Variants in ACVR2A observed in about 807,000 individuals in gnomAD.
ACVR2A encodes the protein activin receptor type-2A.
In ACVR2A, 7 loss-of-function variants were observed where a neutral mutation model predicts 61.4. The ratio of observed to expected loss-of-function variants is 0.11; its 90% CI spans 0.06 to 0.21. The LOEUF (loss-of-function observed/expected upper bound fraction) is 0.21. Ranked by LOEUF, ACVR2A falls within the 10% of genes least tolerant of loss-of-function variation. The probability of loss-of-function intolerance (pLI) is 1.00; values close to 1 mark genes in which losing one functional copy is unlikely to be tolerated. For missense variants in ACVR2A, 322 were observed against 621.7 expected, an observed-to-expected ratio of 0.52 and a Z score of 5.13; for synonymous variants, 193 against 208.3, an observed-to-expected ratio of 0.93 and a Z score of 0.63.
intron 1 of ACVR2A, among the ~76,000 whole-genome samples, chr2:147,845,551 C>G (rs1317952265): frequency 6.6e-6 from 1 of 152,114 alleles, no homozygotes; most frequent in Non-Finnish European, 1.5e-5. Flanking sequence ...ACAATTTATG[C>G]AAAGGTTGAG....
chr2:147,863,413 G>A (rs1409796497), intron 1 of ACVR2A, among the ~76,000 whole-genome samples: 1 of 152,192 alleles, frequency 6.6e-6, no homozygotes, highest in African/African-American at 2.4e-5. Flanking sequence ...TTGACACCCT[G>A]TGAGGTTGAA....
chr2:147,923,343 CTTAAGG>C (rs1687431028), intron 9 of ACVR2A, among the ~76,000 whole-genome samples: 1 of 151,818 alleles, frequency 6.6e-6, no homozygotes, highest in South Asian at 2.1e-4. Context: ...CTTCACATAC[CTTAAGG>C]TTATTTCCTA....
chr2:147,849,035 G>A lies in ACVR2A; in HGVS notation c.55+3828G>A, dbSNP rs940231816. On this transcript the variant is annotated intron_variant, in intron 1 of 10. Coordinates refer to ENST00000241416, the MANE Select transcript of ACVR2A (RefSeq NM_001616.5). ...AATTAGAGAAACAGACTATAGATAC[G>A]CACATTCTTTCATCCTTGATGAAAT... Among the ~76,000 whole-genome samples the A allele has an allele frequency of 1.1e-4, 16 of 151,980 alleles. No homozygotes were observed. The East Asian group carries it at 1.5e-3, about 15-fold the overall frequency.
intron 1 of ACVR2A, among the ~76,000 whole-genome samples, chr2:147,873,355 A>G (rs1423051170): frequency 1.3e-5 from 2 of 152,000 alleles, no homozygotes; most frequent in African/African-American, 4.8e-5. Context: ...TATTCAGAAT[A>G]TCATTTCAAT....
intron 1 of ACVR2A, among the ~76,000 whole-genome samples, chr2:147,884,113 G>T (rs1288870396): frequency 6.6e-6 from 1 of 152,126 alleles, no homozygotes; most frequent in African/African-American, 2.4e-5. Context: ...CTGATTTTGA[G>T]AATTTACCTT....
intron 9 of ACVR2A, 32 bp from the exon 10 acceptor site, chr2:147,925,993 TAATGAA>T: frequency 6.3e-7 from 1 of 1,588,654 alleles, no homozygotes; most frequent in Non-Finnish European, 8.6e-7. Context: ...AGGAGGATTT[TAATGAA>T]AATGATTTAT....
At chr2:147,894,411 G>A (rs1345277150) in intron 1 of ACVR2A, among the ~76,000 whole-genome samples, 1 of 152,108 alleles carries the variant, frequency 6.6e-6, no homozygotes, top group Non-Finnish European at 1.5e-5. Flanking sequence ...TGGGGAAGCT[G>A]AAACCATTGA....
chr2:147,866,524 A>G (rs745964223), intron 1 of ACVR2A, among the ~76,000 whole-genome samples: 1 of 152,214 alleles, frequency 6.6e-6, no homozygotes, highest in Non-Finnish European at 1.5e-5. Context: ...TTATACAGGC[A>G]CATGAATAAT....
intron 1 of ACVR2A, among the ~76,000 whole-genome samples, chr2:147,859,053 G>T (rs988104113): frequency 6.6e-6 from 1 of 152,036 alleles, no homozygotes; most frequent in Non-Finnish European, 1.5e-5. Flanking sequence ...TTGTTCGGGA[G>T]CATTTTCTTA....
Position 147,845,082 on chromosome 2 carries a change from T to A in ACVR2A, c.-71T>A. ...GGTTGATTTTACACCAGGAGGTTTGTCTCCGAGGAAGACCCAGGGAACTGG... is the reference window on the plus strand; with the variant it reads ...GGTTGATTTTACACCAGGAGGTTTGACTCCGAGGAAGACCCAGGGAACTGG... On this transcript the variant is annotated 5_prime_UTR_variant, in exon 1 of 11. Coordinates refer to ENST00000241416, the MANE Select transcript of ACVR2A (RefSeq NM_001616.5). 7.8e-7 allele frequency: 1 copy of A among 1,283,986 alleles called. No homozygotes were observed. 79.5% of individuals were successfully genotyped at this position (1,283,986 alleles called of 1,614,324 possible). A position where few individuals can be genotyped will look rare whatever the true frequency, so the allele number is the denominator to read the frequency against.
At chr2:147,924,374 G>T (rs1164840981) in intron 9 of ACVR2A, among the ~76,000 whole-genome samples, 3 of 151,964 alleles carry the variant, frequency 2.0e-5, no homozygotes, top group Admixed American at 2.0e-4. Flanking sequence ...ATTAACTCTA[G>T]AGTAAGTTAA....
At chr2:147,885,132 C>A (rs1686396932) in intron 1 of ACVR2A, among the ~76,000 whole-genome samples, 1 of 152,018 alleles carries the variant, frequency 6.6e-6, no homozygotes, top group Admixed American at 6.5e-5. Flanking sequence ...TGATTTAGTG[C>A]AAATGTAACT....
intron 1 of ACVR2A, among the ~76,000 whole-genome samples, chr2:147,883,293 C>G (rs1440804837): frequency 6.6e-6 from 1 of 152,180 alleles, no homozygotes; most frequent in Non-Finnish European, 1.5e-5. Flanking sequence ...CAGGTTCAAG[C>G]AATTCTTCTA....
rs1023415899 is a variant in ACVR2A, at chr2:147,927,551, A to G, written c.*277A>G. The stretch of plus-strand genomic sequence containing the variant: ...GAAGAATGTAGCCCTCTCCAAATCA[A>G]GGATCTTTTGGACCTGGCTAATGGA... On this transcript the variant is annotated 3_prime_UTR_variant, in exon 11 of 11. Coordinates refer to ENST00000241416, the MANE Select transcript of ACVR2A (RefSeq NM_001616.5). 2 of 251,792 alleles carry G rather than the reference A, an allele frequency of 7.9e-6. No individual in the cohort carries two copies. Among genetic ancestry groups the G allele is most frequent in the South Asian group, 1.5e-4 (1 of 6,800 alleles). The allele number at this position is 251,792 out of a possible 1,614,324, so 15.6% of individuals were successfully genotyped here.
chr2:147,918,689 A>G (rs1264223118), intron 7 of ACVR2A, 97 bp downstream of exon 7: 26 of 1,082,644 alleles, frequency 2.4e-5, no homozygotes, highest in Middle Eastern at 5.4e-4. Context: ...TTGTTATGCA[A>G]TCATGCTTTA....
At chr2:147,910,834 G>A (rs1172151693) in intron 4 of ACVR2A, among the ~76,000 whole-genome samples, 5 of 152,242 alleles carry the variant, frequency 3.3e-5, no homozygotes, top group African/African-American at 9.6e-5. Context: ...TCACCTTGAT[G>A]TGCTGGGCAA....
intron 1 of ACVR2A, among the ~76,000 whole-genome samples, chr2:147,870,430 A>T (rs111279330): frequency 6.6e-6 from 1 of 152,070 alleles, no homozygotes; most frequent in Admixed American, 6.6e-5. Context: ...TTAACATGCC[A>T]CTTCTGATTT....
At chr2:147,908,835 C>G (rs1687050258) in intron 4 of ACVR2A, among the ~76,000 whole-genome samples, 1 of 152,066 alleles carries the variant, frequency 6.6e-6, no homozygotes, top group African/African-American at 2.4e-5. Context: ...ATCAGTCTCT[C>G]TCTCTCTAGA....
chr2:147,862,352 A>T (rs895104411), intron 1 of ACVR2A, among the ~76,000 whole-genome samples: 4 of 151,764 alleles, frequency 2.6e-5, no homozygotes, highest in African/African-American at 9.7e-5. Flanking sequence ...CCACATGTTA[A>T]TTGTTGCCTG....
Sources: allele counts gnomAD v4.1 joint callset (sites outside exome capture counted in the v4.1 genomes callset), GRCh38; gene constraint gnomAD v4.1.1; transcripts MANE v1.5; gene names NCBI Gene and HGNC (gene_info 2026-07-23, HGNC 2026-07-21).